Variants in MEGF6 observed in about 807,000 individuals in gnomAD.
MEGF6 encodes multiple EGF like domains 6.
A neutral mutation model predicts 207.1 loss-of-function variants in MEGF6; 184 were observed. That is an observed-to-expected ratio of 0.89 (90% confidence interval 0.79 to 1.00). The LOEUF is 1.00. MEGF6 is among the 50% of genes least tolerant of loss of function. The probability of loss-of-function intolerance (pLI) is 0.00; values close to 1 mark genes in which losing one functional copy is unlikely to be tolerated. For synonymous variants in MEGF6, 1,038 were observed against 910.0 expected, an observed-to-expected ratio of 1.14 and a Z score of -2.53; for missense variants, 2,282 against 2,202.9, an observed-to-expected ratio of 1.04 and a Z score of -0.72.
At chr1:3,601,354 G>A (rs978795607) in intron 2 of MEGF6, among the ~76,000 whole-genome samples, 1 of 152,272 alleles carries the variant, frequency 6.6e-6, no homozygotes, top group South Asian at 2.1e-4. Context: ...GACATCCACA[G>A]GGCAGGCCCG....
At chr1:3,528,818 C>A (rs1195474475) in intron 4 of MEGF6, among the ~76,000 whole-genome samples, 2 of 152,194 alleles carry the variant, frequency 1.3e-5, no homozygotes. Context: ...AGGAGCACAG[C>A]CCTGCCCACG....
At chr1:3,494,819 G>T in intron 30 of MEGF6, 78 bp from the exon 31 acceptor site, 1 of 1,457,770 alleles carries the variant, frequency 6.9e-7, no homozygotes, top group South Asian at 1.4e-5. Flanking sequence ...CCCACAGGCT[G>T]ACAGTCACTC....
chr1:3,546,006 G>A (rs1642692539), intron 4 of MEGF6, among the ~76,000 whole-genome samples: 1 of 152,220 alleles, frequency 6.6e-6, no homozygotes, highest in Non-Finnish European at 1.5e-5. Context: ...GGCAAGGGAA[G>A]TTCTGGGAGA....
At chr1:3,570,241 C>A (rs556658505) in intron 4 of MEGF6, among the ~76,000 whole-genome samples, 1 of 152,342 alleles carries the variant, frequency 6.6e-6, no homozygotes, top group South Asian at 2.1e-4. Context: ...CCACTCAACC[C>A]ACTTCAGGCA....
intron 4 of MEGF6, among the ~76,000 whole-genome samples, chr1:3,527,465 G>A (rs888952698): frequency 2.6e-5 from 4 of 152,232 alleles, no homozygotes; most frequent in African/African-American, 4.8e-5. Flanking sequence ...GGGAGACCCC[G>A]AGGGTCCCTA....
intron 14 of MEGF6, among the ~76,000 whole-genome samples, chr1:3,506,688 T>G (rs546091372): frequency 4.1e-4 from 63 of 152,164 alleles, no homozygotes; most frequent in Admixed American, 6.5e-4. Context: ...CAAACAATTC[T>G]CTCTGGCTGG....
At chr1:3,602,768 A>T (rs1003841238) in intron 1 of MEGF6, among the ~76,000 whole-genome samples, 168 bp from the exon 2 acceptor site, 1 of 152,096 alleles carries the variant, frequency 6.6e-6, no homozygotes, top group Non-Finnish European at 1.5e-5. Context: ...CAGCCGTGGG[A>T]CCCAGGCTTG....
chr1:3,490,533 G>C lies in MEGF6; in HGVS notation c.4621C>G (p.His1541Asp). The change falls in exon 37 of 37, where the codon CAC (histidine) becomes GAC (aspartate). Residue 1541 changes from histidine to aspartate, a missense_variant. Transcript: ENST00000356575. Reference protein sequence around the residue: ...PTSRSGGPARH With the variant: ...PTSRSGGPARD ...GCTCCACGGGACTGCCTCTACTAGT[G>C]CCTCGCTGGTCCACCGCTCCGGGAT... is the stretch of plus-strand genomic sequence containing the variant. 6.2e-7 allele frequency: 1 copy of C among 1,613,042 alleles called. No homozygotes were observed. The highest frequency in any genetic ancestry group is 8.5e-7 in the Non-Finnish European group (1 of 1,179,812).
chr1:3,511,709 A>G lies in MEGF6; in HGVS notation c.977-22T>C, dbSNP rs114176340. ...ATCCCTGCCGTGAGACCAGCCACCC[A>G]GGGTATGGGATGGCGGCTAGGATGA... On this transcript the variant is annotated intron_variant, in intron 8 of 36. Coordinates refer to ENST00000356575, the MANE Select transcript of MEGF6 (RefSeq NM_001409.4). 3.4e-3 allele frequency: 5,430 copies of G among 1,593,566 alleles called. 156 individuals are homozygous for G. In the African/African-American group the frequency reaches 0.063, roughly 19 times the overall value.
At chr1:3,606,194 T>A (rs188311560) in intron 1 of MEGF6, among the ~76,000 whole-genome samples, 2 of 152,274 alleles carry the variant, frequency 1.3e-5, no homozygotes, top group African/African-American at 4.8e-5. Context: ...GTTCTCAAAG[T>A]GGGGTCCCCC....
At chr1:3,561,962 T>G (rs1643214461) in intron 4 of MEGF6, among the ~76,000 whole-genome samples, 1 of 152,202 alleles carries the variant, frequency 6.6e-6, no homozygotes, top group Non-Finnish European at 1.5e-5. Context: ...AAGATCCAGG[T>G]CTTCACTCCC....
chr1:3,611,574 C>G (rs1399627554), upstream of MEGF6: 5 of 254,956 alleles, frequency 2.0e-5, no homozygotes, highest in Admixed American at 5.7e-5. Context: ...ACCCCAGTCC[C>G]GACCCGCCCT....
chr1:3,505,032 G>GC (rs1300072935), intron 17 of MEGF6, among the ~76,000 whole-genome samples, 176 bp downstream of exon 17: 9 of 151,324 alleles, frequency 5.9e-5, no homozygotes, highest in African/African-American at 2.2e-4. Context: ...CATGTGACAG[G>GC]CCGTCAAGGC....
intron 4 of MEGF6, among the ~76,000 whole-genome samples, chr1:3,572,344 C>T (rs374623489): frequency 8.7e-6 from 1 of 115,006 alleles, no homozygotes; most frequent in Non-Finnish European, 1.7e-5. Flanking sequence ...GCTGGGTTCT[C>T]TCAGGTGTGC....
chr1:3,579,848 A>C lies in MEGF6; in HGVS notation c.458T>G (p.Phe153Cys). ...SAQPCHCPPG[F>C]QGPRCQYDVD... ...ACCATACTGACAGCGGGGTCCCTGG[A>C]AGCCGGGGGGACAGTGACACGGCTG... Residue 153 changes from phenylalanine to cysteine, a missense_variant, in exon 4 of 37, where the codon TTC becomes TGC. Transcript: ENST00000356575. The C allele has an allele frequency of 6.5e-7, 1 of 1,533,978 alleles. No homozygotes were observed. The highest frequency in any genetic ancestry group is 8.7e-7 in the Non-Finnish European group (1 of 1,146,790).
rs567450570 is a variant in MEGF6, at chr1:3,569,512, C to A, written c.481+10313G>T. Among the ~76,000 whole-genome samples the A allele has an allele frequency of 1.3e-3, 197 of 152,350 alleles. 1 individual carries two copies. The highest frequency in any genetic ancestry group is 3.5e-3 in the Admixed American group (53 of 15,306). On this transcript the variant is annotated intron_variant, in intron 4 of 36. Transcript: ENST00000356575. ...TCTGGATGGGACAGGATGGCCGAGGCAAGGATCAGGGGACTCAAAGGATCC... is the reference window on the plus strand; with the variant it reads ...TCTGGATGGGACAGGATGGCCGAGGAAAGGATCAGGGGACTCAAAGGATCC...
At chr1:3,512,986 C>T (rs1035946146) in intron 7 of MEGF6, among the ~76,000 whole-genome samples, 1 of 152,078 alleles carries the variant, frequency 6.6e-6, no homozygotes, top group Non-Finnish European at 1.5e-5. Flanking sequence ...AAATAAACGT[C>T]GCCCAGCCAT....
At chr1:3,508,442 C>T (rs568228014) in intron 13 of MEGF6, 116 bp downstream of exon 13, 8 of 1,220,678 alleles carry the variant, frequency 6.6e-6, no homozygotes, top group East Asian at 2.4e-5. Flanking sequence ...CTGCACAGAG[C>T]CCCCTGCCCA....
intron 34 of MEGF6, 47 bp downstream of exon 34, chr1:3,493,724 A>T (rs760551245): frequency 6.3e-7 from 1 of 1,595,624 alleles, no homozygotes; most frequent in South Asian, 1.1e-5. Flanking sequence ...TTGGTCACTG[A>T]TGGAGACCCA....
Sources: allele counts gnomAD v4.1 joint callset (sites outside exome capture counted in the v4.1 genomes callset), GRCh38; gene constraint gnomAD v4.1.1; transcripts MANE v1.5; gene names NCBI Gene and HGNC (gene_info 2026-07-23, HGNC 2026-07-21).